Variants in NRG3 observed in about 807,000 individuals in gnomAD.
NRG3 encodes neuregulin 3, also known as pro-neuregulin-3, membrane-bound isoform.
A neutral mutation model predicts 66.9 loss-of-function variants in NRG3; 31 were observed. The observed-to-expected ratio is 0.46, with a 90% confidence interval of 0.35 to 0.63. The LOEUF is 0.63. Among genes scored for constraint, NRG3 ranks in the 20% least tolerant of loss-of-function variants. NRG3 has a pLI of 0.00. For missense variants in NRG3, 910 were observed against 878.9 expected (o/e 1.04, Z -0.45); for synonymous variants, 393 against 359.4 (o/e 1.09, Z -1.06).
chr10:82,222,807 G>A (rs567635882), intron 1 of NRG3, among the ~76,000 whole-genome samples: 3 of 152,090 alleles, frequency 2.0e-5, no homozygotes, highest in African/African-American at 7.2e-5. Context: ...TGGCTCTTCA[G>A]TGCCCCAATG....
chr10:82,915,598 TAATAC>T (rs1328001351), intron 4 of NRG3, among the ~76,000 whole-genome samples: 1 of 151,920 alleles, frequency 6.6e-6, no homozygotes, highest in Non-Finnish European at 1.5e-5. Context: ...GCTGTGGCAA[TAATAC>T]AATTGAGTGA....
intron 3 of NRG3, among the ~76,000 whole-genome samples, chr10:82,766,225 C>T (rs1390232525): frequency 3.3e-5 from 5 of 152,046 alleles, no homozygotes; most frequent in African/African-American, 7.2e-5. Context: ...TGTGAATGTA[C>T]GAAAGTAAAC....
At chr10:82,418,535 T>C (rs2088798399) in intron 2 of NRG3, among the ~76,000 whole-genome samples, 1 of 151,436 alleles carries the variant, frequency 6.6e-6, no homozygotes, top group Non-Finnish European at 1.5e-5. Flanking sequence ...CAGATTAATG[T>C]CCTTGGTGGA....
chr10:82,982,578 G>A (rs1853041877), intron 8 of NRG3, among the ~76,000 whole-genome samples: 1 of 152,114 alleles, frequency 6.6e-6, no homozygotes. Flanking sequence ...AGTGAGGCTT[G>A]CCACTGTGTC....
chr10:82,025,202 G>A (rs868252765), intron 1 of NRG3, among the ~76,000 whole-genome samples: 1 of 150,268 alleles, frequency 6.7e-6, no homozygotes, highest in African/African-American at 2.4e-5. Context: ...TAAAAAATGT[G>A]GAATACTTCA....
At chr10:82,707,542 A>G (rs1242331262) in intron 2 of NRG3, among the ~76,000 whole-genome samples, 1 of 131,884 alleles carries the variant, frequency 7.6e-6, no homozygotes, top group Non-Finnish European at 1.6e-5. Context: ...GATGTCTGCC[A>G]TCACTCCTGG....
intron 1 of NRG3, 89 bp from the exon 2 acceptor site, chr10:82,358,650 C>A: frequency 6.3e-7 from 1 of 1,575,518 alleles, no homozygotes; most frequent in Non-Finnish European, 8.7e-7. Flanking sequence ...ATGAGAAGGC[C>A]TCCATACAGA....
chr10:82,814,160 T>C (rs993997713), intron 3 of NRG3, among the ~76,000 whole-genome samples: 1 of 152,246 alleles, frequency 6.6e-6, no homozygotes, highest in Non-Finnish European at 1.5e-5. Context: ...CCAAGCTCTA[T>C]GACTCATAAC....
chr10:82,070,291 A>G (rs922325453), intron 1 of NRG3, among the ~76,000 whole-genome samples: 36 of 152,096 alleles, frequency 2.4e-4, no homozygotes, highest in African/African-American at 8.5e-4. Context: ...GAGTCAATTG[A>G]GTTCATGCAA....
At chr10:82,850,634 T>A (rs374078021) in intron 3 of NRG3, among the ~76,000 whole-genome samples, 8 of 152,202 alleles carry the variant, frequency 5.3e-5, no homozygotes, top group African/African-American at 1.9e-4. Flanking sequence ...GTTGAAAAAT[T>A]ATTTGCATCT....
intron 1 of NRG3, among the ~76,000 whole-genome samples, chr10:82,172,761 C>T (rs371147360): frequency 2.6e-5 from 4 of 152,034 alleles, no homozygotes; most frequent in Admixed American, 1.3e-4. Flanking sequence ...CAGAGGTCTG[C>T]GGGGCCTTTC....
intron 1 of NRG3, among the ~76,000 whole-genome samples, chr10:82,242,940 A>G (rs1589442835): frequency 1.3e-5 from 2 of 152,226 alleles, no homozygotes; most frequent in East Asian, 3.8e-4. Context: ...TTTGAACAGA[A>G]AGTGTTAAGG....
At chr10:82,027,629 G>T (rs1426028767) in intron 1 of NRG3, among the ~76,000 whole-genome samples, 1 of 152,056 alleles carries the variant, frequency 6.6e-6, no homozygotes, top group East Asian at 1.9e-4. Context: ...ATTTTCTTGA[G>T]TGTTTCTCAA....
chr10:82,803,628 T>C (rs144882993), intron 3 of NRG3, among the ~76,000 whole-genome samples: 1 of 152,322 alleles, frequency 6.6e-6, no homozygotes, highest in East Asian at 1.9e-4. Flanking sequence ...TTGCAGAACA[T>C]TGCAGATGAA....
At chr10:81,904,574 T>C (rs1426958825) in intron 1 of NRG3, among the ~76,000 whole-genome samples, 2 of 152,152 alleles carry the variant, frequency 1.3e-5, no homozygotes, top group East Asian at 3.9e-4. Flanking sequence ...TGTTCTTAAT[T>C]CTACCATCTG....
At chr10:82,250,332 G>A (rs2077423560) in intron 1 of NRG3, among the ~76,000 whole-genome samples, 1 of 152,090 alleles carries the variant, frequency 6.6e-6, no homozygotes, top group Admixed American at 6.6e-5. Flanking sequence ...GAAATAAGAT[G>A]TATACACTTT....
intron 2 of NRG3, among the ~76,000 whole-genome samples, chr10:82,481,297 T>C (rs1230924393): frequency 6.6e-6 from 1 of 152,224 alleles, no homozygotes; most frequent in Non-Finnish European, 1.5e-5. Context: ...TCCATGACAT[T>C]TCTTCAGCCA....
intron 1 of NRG3, among the ~76,000 whole-genome samples, chr10:82,338,469 A>C (rs1438166678): frequency 6.6e-6 from 1 of 151,548 alleles, no homozygotes; most frequent in Non-Finnish European, 1.5e-5. Flanking sequence ...ACAGTCACGC[A>C]TGCCTTGTTG....
At chr10:82,712,997 A>G (rs1217124478) in intron 2 of NRG3, among the ~76,000 whole-genome samples, 1 of 151,680 alleles carries the variant, frequency 6.6e-6, no homozygotes, top group African/African-American at 2.4e-5. Context: ...GCAGATGCCT[A>G]TAATCCTAGC....
Sources: allele counts gnomAD v4.1 joint callset (sites outside exome capture counted in the v4.1 genomes callset), GRCh38; gene constraint gnomAD v4.1.1; transcripts MANE v1.5; gene names NCBI Gene and HGNC (gene_info 2026-07-23, HGNC 2026-07-21).